FRMD4B: variants seen among roughly 807,000 people sequenced by gnomAD.
The protein encoded by FRMD4B is FERM domain containing 4B, also known as FERM domain-containing protein 4B.
FRMD4B carries 74 observed loss-of-function variants against 141.5 expected under a neutral mutation model. The ratio of observed to expected loss-of-function variants is 0.52; its 90% CI spans 0.43 to 0.63. FRMD4B has a LOEUF of 0.63. Ranked by LOEUF, FRMD4B falls within the 30% of genes least tolerant of loss-of-function variation. The pLI is 0.00. For missense variants in FRMD4B, 1,366 were observed against 1,253.4 expected (o/e 1.09, Z -1.36); for synonymous variants, 506 against 467.9 (o/e 1.08, Z -1.05).
Position 69,414,861 on chromosome 3 carries a change from G to GTTTT in FRMD4B, c.-1+17769_-1+17772dup, listed in dbSNP as rs5849900. ...TGTTGAGACTCACAGCGAACAAGCT[G>GTTTT]TTTTTTTTTTTTTTTTTTTTTTGAG... On this transcript the variant is annotated intron_variant, in intron 2 of 5. Coordinates refer to the FRMD4B transcript ENST00000459638. Among the ~76,000 whole-genome samples the GTTTT allele has an allele frequency of 8.9e-4, 87 of 98,038 alleles. 2 individuals carry two copies. Among genetic ancestry groups the GTTTT allele is most frequent in the Non-Finnish European group, 1.0e-3 (54 of 51,854 alleles). 64.3% of individuals were successfully genotyped at this position (98,038 alleles called of 152,430 possible). A position where few individuals can be genotyped will look rare whatever the true frequency, so the allele number is the denominator to read the frequency against.
intron 19 of FRMD4B, among the ~76,000 whole-genome samples, chr3:69,185,409 ATT>A (rs2092755605): frequency 1.3e-5 from 2 of 151,486 alleles, no homozygotes; most frequent in Admixed American, 1.3e-4. Context: ...ATCTACCTTG[ATT>A]TTGAGAATAA....
chr3:69,354,977 T>C (rs1455057085), intron 1 of FRMD4B, among the ~76,000 whole-genome samples: 1 of 151,878 alleles, frequency 6.6e-6, no homozygotes, highest in Non-Finnish European at 1.5e-5. Flanking sequence ...AGAAACAAGT[T>C]ACTTAAACAT....
At chr3:69,282,939 C>A (rs2093650747) in intron 5 of FRMD4B, among the ~76,000 whole-genome samples, 1 of 152,018 alleles carries the variant, frequency 6.6e-6, no homozygotes, top group Non-Finnish European at 1.5e-5. Context: ...ACCCAGCCAT[C>A]TGCATAATAA....
At chr3:69,194,689 T>C (rs1422727291) in intron 16 of FRMD4B, among the ~76,000 whole-genome samples, 1 of 152,228 alleles carries the variant, frequency 6.6e-6, no homozygotes, top group South Asian at 2.1e-4. Flanking sequence ...AATGAGACTT[T>C]AGAGAGGCTA....
At chr3:69,524,754 C>T (rs1700908038) in intron 1 of FRMD4B, among the ~76,000 whole-genome samples, 1 of 152,206 alleles carries the variant, frequency 6.6e-6, no homozygotes, top group Non-Finnish European at 1.5e-5. Flanking sequence ...AAGTGGCACA[C>T]ACTTCCTCTC....
chr3:69,225,485 C>T (rs897717636), intron 7 of FRMD4B, among the ~76,000 whole-genome samples: 3 of 124,088 alleles, frequency 2.4e-5, no homozygotes, highest in Non-Finnish European at 3.2e-5. Flanking sequence ...ACCATCCTGG[C>T]TAACACGGTG....
intron 7 of FRMD4B, among the ~76,000 whole-genome samples, chr3:69,248,912 T>A (rs1475890986): frequency 6.6e-6 from 1 of 152,250 alleles, no homozygotes; most frequent in Non-Finnish European, 1.5e-5. Context: ...TAAGGTTTTT[T>A]TTTATCAGCA....
intron 1 of FRMD4B, among the ~76,000 whole-genome samples, chr3:69,319,403 T>C (rs1308872188): frequency 6.6e-6 from 1 of 152,200 alleles, no homozygotes; most frequent in Non-Finnish European, 1.5e-5. Flanking sequence ...TCTATATATT[T>C]TCCTATTTAA....
intron 1 of FRMD4B, among the ~76,000 whole-genome samples, chr3:69,347,172 G>C (rs1702976205): frequency 6.6e-6 from 1 of 152,020 alleles, no homozygotes; most frequent in Admixed American, 6.6e-5. Context: ...AAAAGGCAAG[G>C]GTTGCAATCC....
intron 11 of FRMD4B, among the ~76,000 whole-genome samples, chr3:69,203,320 C>CAAAAAAA (rs796607832): frequency 2.7e-4 from 29 of 107,886 alleles, no homozygotes; most frequent in East Asian, 2.4e-3. Context: ...CAAACTTCAG[C>CAAAAAAA]AAAAAAAAAA....
chr3:69,373,917 C>A (rs1034390675), intron 1 of FRMD4B, among the ~76,000 whole-genome samples: 1 of 152,190 alleles, frequency 6.6e-6, no homozygotes, highest in South Asian at 2.1e-4. Context: ...ATGAGCCAGG[C>A]AGCCTAGTGA....
At chr3:69,457,264 G>A (rs1335964124) in intron 1 of FRMD4B, among the ~76,000 whole-genome samples, 1 of 152,114 alleles carries the variant, frequency 6.6e-6, no homozygotes, top group Non-Finnish European at 1.5e-5. Context: ...TGTAATGTCT[G>A]GATACAGGAC....
chr3:69,366,455 T>A (rs1479127335), intron 1 of FRMD4B, among the ~76,000 whole-genome samples: 1 of 103,432 alleles, frequency 9.7e-6, no homozygotes, highest in African/African-American at 4.3e-5. Context: ...TTATGTGGGG[T>A]GATCTCACCT....
At chr3:69,204,794 G>C (rs2093006540) in intron 11 of FRMD4B, among the ~76,000 whole-genome samples, 1 of 152,138 alleles carries the variant, frequency 6.6e-6, no homozygotes, top group African/African-American at 2.4e-5. Context: ...CGCTCAGCTG[G>C]AGCACTAAGA....
At chr3:69,527,021 C>G (rs1321545869) in intron 1 of FRMD4B, among the ~76,000 whole-genome samples, 1 of 152,186 alleles carries the variant, frequency 6.6e-6, no homozygotes, top group African/African-American at 2.4e-5. Context: ...GATACCACAT[C>G]TGGCTTCTGA....
At chr3:69,179,469 T>C (rs1459306879) in intron 21 of FRMD4B, among the ~76,000 whole-genome samples, 1 of 152,142 alleles carries the variant, frequency 6.6e-6, no homozygotes, top group Non-Finnish European at 1.5e-5. Flanking sequence ...GAGCCATAAA[T>C]AAGAAATAAT....
chr3:69,181,263 G>A lies in FRMD4B; in HGVS notation c.2487C>T (p.Thr829=), dbSNP rs975257020. The A allele has an allele frequency of 1.1e-5, 17 of 1,612,946 alleles. No individual in the cohort carries two copies. Among genetic ancestry groups the A allele is most frequent in the African/African-American group, 5.3e-5 (4 of 74,868 alleles). ...AAGGGTTGACACTATACTGTCCCTC[G>A]GTGTCATTCTCATAGACATAACCAC... The part of the protein sequence containing the change: ...YSGGYVYEND[T]EGQYSVNPSY... Residue 829 remains threonine, a synonymous_variant, in exon 21 of 23, where the codon ACC becomes ACT. Transcript: ENST00000398540.
At chr3:69,349,664 A>G (rs1460891377) in intron 1 of FRMD4B, among the ~76,000 whole-genome samples, 1 of 152,154 alleles carries the variant, frequency 6.6e-6, no homozygotes, top group Non-Finnish European at 1.5e-5. Flanking sequence ...CTCAGAAATA[A>G]TATCACACAT....
At chr3:69,431,758 C>T (rs915432746) in intron 2 of FRMD4B, among the ~76,000 whole-genome samples, 1 of 152,202 alleles carries the variant, frequency 6.6e-6, no homozygotes, top group African/African-American at 2.4e-5. Flanking sequence ...TACATCTCTC[C>T]AGCAGGCGCC....
Sources: gnomAD v4.1 joint callset for allele counts (sites outside exome capture counted in the v4.1 genomes callset) on GRCh38, gnomAD v4.1.1 for gene constraint, MANE v1.5 for transcripts, NCBI Gene and HGNC (gene_info 2026-07-23, HGNC 2026-07-21) for gene names.